TAFA4: variants seen among roughly 807,000 people sequenced by gnomAD.
TAFA4 encodes TAFA chemokine like family member 4, also known as chemokine-like protein TAFA-4.
TAFA4 carries 20 observed loss-of-function variants against 21.1 expected under a neutral mutation model. That is an observed-to-expected ratio of 0.95 (90% confidence interval 0.67 to 1.38). TAFA4 has a LOEUF of 1.38. Ranked by LOEUF, TAFA4 falls within the 40% of genes most tolerant of loss-of-function variation. The pLI, the probability that TAFA4 is intolerant of heterozygous loss-of-function variation, is 0.00. For missense variants in TAFA4, 211 were observed against 180.9 expected, an observed-to-expected ratio of 1.17 and a Z score of -0.95; for synonymous variants, 71 against 67.4, an observed-to-expected ratio of 1.05 and a Z score of -0.26.
chr3:68,810,538 C>A (rs1010068419), intron 3 of TAFA4, among the ~76,000 whole-genome samples: 10 of 152,202 alleles, frequency 6.6e-5, no homozygotes, highest in African/African-American at 2.4e-4. Flanking sequence ...CTGCGCCTGG[C>A]TCTGAGGGTC....
At chr3:68,900,073 TAC>T (rs1307471168) in intron 1 of TAFA4, among the ~76,000 whole-genome samples, 2 of 65,452 alleles carry the variant, frequency 3.1e-5, no homozygotes, top group Admixed American at 2.0e-4. Context: ...ACCCTGTCTC[TAC>T]ACACACAAAA....
At chr3:68,926,115 C>G (rs2090105995) in intron 1 of TAFA4, among the ~76,000 whole-genome samples, 1 of 152,084 alleles carries the variant, frequency 6.6e-6, no homozygotes, top group Non-Finnish European at 1.5e-5. Context: ...GCCTGTACTC[C>G]CAGCTACTCA....
intron 3 of TAFA4, among the ~76,000 whole-genome samples, chr3:68,837,452 C>T (rs1704550684): frequency 6.6e-6 from 1 of 152,226 alleles, no homozygotes; most frequent in African/African-American, 2.4e-5. Context: ...CCTCCCCTTC[C>T]TTCCACTCCA....
chr3:68,923,259 A>G (rs1367032181), intron 1 of TAFA4, among the ~76,000 whole-genome samples: 2 of 152,214 alleles, frequency 1.3e-5, no homozygotes, highest in Non-Finnish European at 2.9e-5. Context: ...ATGAATAAAC[A>G]TGGGGTGCTT....
At chr3:68,794,124 G>A (rs1044839583) in intron 3 of TAFA4, among the ~76,000 whole-genome samples, 1 of 152,038 alleles carries the variant, frequency 6.6e-6, no homozygotes, top group Non-Finnish European at 1.5e-5. Flanking sequence ...TTTTTGCCAA[G>A]CTTTGGTAGA....
chr3:68,849,281 C>G (rs1704884886), intron 3 of TAFA4, among the ~76,000 whole-genome samples: 1 of 152,152 alleles, frequency 6.6e-6, no homozygotes. Flanking sequence ...GAGGTTTATA[C>G]CCCCTTCCTT....
chr3:68,837,144 A>G (rs1455290312), intron 3 of TAFA4, among the ~76,000 whole-genome samples: 2 of 152,244 alleles, frequency 1.3e-5, no homozygotes. Context: ...TATGGCCCTC[A>G]AAGCCTAACA....
chr3:68,763,344 A>G (rs1430205032), intron 3 of TAFA4, among the ~76,000 whole-genome samples: 1 of 152,136 alleles, frequency 6.6e-6, no homozygotes, highest in African/African-American at 2.4e-5. Context: ...AATCCAGTCT[A>G]AGAATTATAT....
chr3:68,888,963 C>T (rs936282052), intron 1 of TAFA4, among the ~76,000 whole-genome samples: 23 of 152,294 alleles, frequency 1.5e-4, no homozygotes, highest in African/African-American at 5.5e-4. Flanking sequence ...AACTTCAGTA[C>T]ATTCAAGATC....
chr3:68,824,142 G>T (rs951485999), intron 3 of TAFA4, among the ~76,000 whole-genome samples: 1 of 152,130 alleles, frequency 6.6e-6, no homozygotes, highest in African/African-American at 2.4e-5. Flanking sequence ...TTAAAAAATC[G>T]TAACGACAAC....
At chr3:68,876,685 A>G (rs2089553047) in intron 3 of TAFA4, among the ~76,000 whole-genome samples, 1 of 152,166 alleles carries the variant, frequency 6.6e-6, no homozygotes, top group African/African-American at 2.4e-5. Context: ...AATAACATAA[A>G]CCACCAAAAC....
chr3:68,880,895 T>A (rs756932110), intron 2 of TAFA4, 50 bp from the exon 3 acceptor site: 1 of 1,475,560 alleles, frequency 6.8e-7, no homozygotes, highest in Admixed American at 1.7e-5. Flanking sequence ...AAGGCCAGAC[T>A]CCCTGGCAAG....
At chr3:68,914,562 A>G (rs1285019129) in intron 1 of TAFA4, among the ~76,000 whole-genome samples, 1 of 152,100 alleles carries the variant, frequency 6.6e-6, no homozygotes, top group African/African-American at 2.4e-5. Context: ...GTTTATTTAA[A>G]TTGTGATGCA....
At chr3:68,914,225 G>C (rs1417936895) in intron 1 of TAFA4, among the ~76,000 whole-genome samples, 1 of 152,184 alleles carries the variant, frequency 6.6e-6, no homozygotes, top group Admixed American at 6.5e-5. Flanking sequence ...AGCAGACATA[G>C]AGTTGGGCAA....
chr3:68,820,416 C>T (rs529804738), intron 3 of TAFA4, among the ~76,000 whole-genome samples: 7 of 152,182 alleles, frequency 4.6e-5, no homozygotes, highest in Non-Finnish European at 7.4e-5. Context: ...CGGTAGCTGA[C>T]GCCTGCAATC....
chr3:68,907,144 A>T (rs756304073), intron 1 of TAFA4, among the ~76,000 whole-genome samples: 1 of 152,122 alleles, frequency 6.6e-6, no homozygotes, highest in Non-Finnish European at 1.5e-5. Context: ...AGGTTTCAAT[A>T]ACGTGATTTT....
intron 3 of TAFA4, among the ~76,000 whole-genome samples, chr3:68,843,270 G>A (rs1704708616): frequency 6.6e-6 from 1 of 152,178 alleles, no homozygotes; most frequent in African/African-American, 2.4e-5. Context: ...ATATTCCTAG[G>A]TATTTTATTC....
At chr3:68,756,143 G>GTTGA (rs2106758220) in intron 3 of TAFA4, among the ~76,000 whole-genome samples, 1 of 152,300 alleles carries the variant, frequency 6.6e-6, no homozygotes, top group Admixed American at 6.5e-5. Context: ...AATAATGTCT[G>GTTGA]TTGATTGTTT....
intron 3 of TAFA4, among the ~76,000 whole-genome samples, chr3:68,804,027 A>C (rs928109008): frequency 6.6e-6 from 1 of 151,826 alleles, no homozygotes; most frequent in Non-Finnish European, 1.5e-5. Flanking sequence ...ACCTCAGGTG[A>C]TCCACCTGCC....
Sources: allele counts gnomAD v4.1 joint callset (sites outside exome capture counted in the v4.1 genomes callset), GRCh38; gene constraint gnomAD v4.1.1; transcripts MANE v1.5; gene names NCBI Gene and HGNC (gene_info 2026-07-23, HGNC 2026-07-21).